GABPA: variants seen among roughly 807,000 people sequenced by gnomAD.
GABPA encodes GA-binding protein alpha chain.
In GABPA, 4 loss-of-function variants were observed where a neutral mutation model predicts 59.4. The ratio of observed to expected loss-of-function variants is 0.07; its 90% CI spans 0.03 to 0.15. The LOEUF (loss-of-function observed/expected upper bound fraction) is 0.15. Among genes scored for constraint, GABPA ranks in the 10% least tolerant of loss-of-function variants. The pLI, the probability that GABPA is intolerant of heterozygous loss-of-function variation, is 1.00. For synonymous variants in GABPA, 164 were observed against 183.1 expected (o/e 0.90, Z 0.84); for missense variants, 251 against 543.8 (o/e 0.46, Z 5.36).
chr21:25,745,944 T>C (rs886534584), intron 3 of GABPA, among the ~76,000 whole-genome samples: 2 of 152,228 alleles, frequency 1.3e-5, no homozygotes, highest in African/African-American at 4.8e-5. Flanking sequence ...GCAGCCTAAA[T>C]AGGATTGCCC....
chr21:25,737,667 C>T (rs746028761), intron 1 of GABPA, among the ~76,000 whole-genome samples: 11 of 152,180 alleles, frequency 7.2e-5, no homozygotes, highest in Non-Finnish European at 1.3e-4. Flanking sequence ...ACTTCTCAGC[C>T]TCTGGCTACA....
intron 7 of GABPA, 112 bp from the exon 8 acceptor site, chr21:25,764,098 T>C (rs1484183141): frequency 1.2e-6 from 1 of 857,898 alleles, no homozygotes; most frequent in Non-Finnish European, 1.7e-6. Flanking sequence ...TGAAGTACTT[T>C]CTTGGGGGTA....
At chr21:25,758,764 A>T (rs1379049115) in intron 6 of GABPA, among the ~76,000 whole-genome samples, 1 of 152,188 alleles carries the variant, frequency 6.6e-6, no homozygotes, top group African/African-American at 2.4e-5. Flanking sequence ...CATTGGTTAT[A>T]AGTTTTTCCA....
Position 25,770,994 on chromosome 21 carries a change from G to T in GABPA, c.*1762G>T, listed in dbSNP as rs1425377071. On this transcript the variant is annotated 3_prime_UTR_variant, in exon 10 of 10. Transcript: ENST00000400075. ...TACAATTTGGGCACTGTGGTTTTAA[G>T]AATATCTGAGTAAAATAACAATATG... 6.6e-6 allele frequency: 1 copy of T among 151,998 alleles called. No individual in the cohort carries two copies. Among genetic ancestry groups the T allele is most frequent in the Non-Finnish European group, 1.5e-5 (1 of 67,898 alleles). 9.4% of individuals were successfully genotyped at this position (151,998 alleles called of 1,614,324 possible). A position where few individuals can be genotyped will look rare whatever the true frequency, so the allele number is the denominator to read the frequency against.
intron 7 of GABPA, 87 bp from the exon 8 acceptor site, chr21:25,764,123 A>G (rs1461573636): frequency 2.7e-6 from 3 of 1,127,044 alleles, no homozygotes; most frequent in Non-Finnish European, 3.8e-6. Flanking sequence ...ATAGGGCATT[A>G]GTTAAAGTGA....
intron 9 of GABPA, among the ~76,000 whole-genome samples, chr21:25,766,727 G>A (rs1015669493): frequency 6.6e-6 from 1 of 151,926 alleles, no homozygotes; most frequent in Non-Finnish European, 1.5e-5. Flanking sequence ...CAATGGGAAT[G>A]CTTCTACCCT....
At chr21:25,737,284 A>G (rs1264770562) in intron 1 of GABPA, among the ~76,000 whole-genome samples, 1 of 152,234 alleles carries the variant, frequency 6.6e-6, no homozygotes, top group South Asian at 2.1e-4. Context: ...AAGTATTGAC[A>G]TAGAAGCCTG....
intron 8 of GABPA, 62 bp from the exon 9 acceptor site, chr21:25,764,533 G>A (rs1055680271): frequency 9.3e-6 from 14 of 1,511,688 alleles, no homozygotes; most frequent in African/African-American, 8.4e-5. Flanking sequence ...CCAGTTTGTT[G>A]TCTTTGCCTT....
chr21:25,745,187 G>A (rs1391475835), intron 2 of GABPA, 23 bp from the exon 3 acceptor site: 2 of 1,609,230 alleles, frequency 1.2e-6, no homozygotes, highest in Admixed American at 3.4e-5. Flanking sequence ...GTAACTGTTA[G>A]CACTTACATC....
chr21:25,757,904 G>A (rs2035674971), intron 5 of GABPA, 106 bp from the exon 6 acceptor site: 1 of 351,212 alleles, frequency 2.8e-6, no homozygotes, highest in African/African-American at 2.7e-5. Flanking sequence ...TCATATACTT[G>A]GGGAAAGAAA....
chr21:25,741,764 C>G (rs1180848192), intron 2 of GABPA, 89 bp downstream of exon 2: 4 of 735,906 alleles, frequency 5.4e-6, no homozygotes, highest in South Asian at 3.9e-5. Context: ...TTTGGACTGT[C>G]TTTTTTTAAC....
chr21:25,764,879 AATG>A (rs1256971990), intron 9 of GABPA, 92 bp downstream of exon 9: 5 of 843,296 alleles, frequency 5.9e-6, no homozygotes, highest in African/African-American at 1.9e-5. Flanking sequence ...ATTGTTATGT[AATG>A]ATATTAAAAA....
intron 1 of GABPA, among the ~76,000 whole-genome samples, chr21:25,738,215 G>A (rs1601105884): frequency 6.6e-6 from 1 of 152,054 alleles, no homozygotes; most frequent in Non-Finnish European, 1.5e-5. Flanking sequence ...GACATTTGCC[G>A]CCGCCGCCGC....
At chr21:25,748,667 A>G (rs2035429914) in intron 3 of GABPA, among the ~76,000 whole-genome samples, 1 of 152,206 alleles carries the variant, frequency 6.6e-6, no homozygotes, top group Non-Finnish European at 1.5e-5. Context: ...TAGATAAATT[A>G]TCATGACTAA....
chr21:25,764,597 A>T lies in GABPA; in HGVS notation c.946A>T (p.Asn316Tyr). 6.2e-7 allele frequency: 1 copy of T among 1,611,024 alleles called. No homozygotes were observed. Among genetic ancestry groups the T allele is most frequent in the Non-Finnish European group, 8.5e-7 (1 of 1,178,302 alleles). Residue 316 changes from asparagine (N) to tyrosine (Y), a missense_variant and splice_region_variant, in exon 9 of 10, where the codon AAC becomes TAC. Physicochemically the swap from Asn to Tyr is moderately radical, Grantham distance 143 (BLOSUM62 -2). Transcript: ENST00000400075. ...DRSSPGNRTG[N>Y]NGQIQLWQFL... ...CTTTGTTCCTCTTACCAATTTAGGA[A>T]ACAATGGCCAAATCCAACTATGGCA...
chr21:25,743,290 T>C (rs1444944958), intron 2 of GABPA, among the ~76,000 whole-genome samples: 1 of 152,210 alleles, frequency 6.6e-6, no homozygotes. Context: ...TGTCTTAGTC[T>C]TCTGGTCACA....
In GABPA at chr21:25,764,306, C is replaced by T. The variant is rs2035838677; in HGVS notation, c.899C>T (p.Pro300Leu). ...SAKAAKVQRA[P>L]RISGEDRSSP... ...AAAGCAGCCAAAGTACAAAGAGCGC[C>T]GAGGATTTCAGGAGAAGATAGAAGC... The change falls in exon 8 of 10, where the codon CCG becomes CTG. Residue 300 changes from proline to leucine, a missense_variant. Coordinates refer to ENST00000400075, the MANE Select transcript of GABPA (RefSeq NM_002040.4). The T allele has an allele frequency of 2.5e-6, 4 of 1,612,164 alleles. No homozygotes were observed. The highest frequency in any genetic ancestry group is 2.2e-5 in the South Asian group (2 of 90,958).
At chr21:25,751,228 G>C (rs575006099) in intron 4 of GABPA, among the ~76,000 whole-genome samples, 2 of 150,814 alleles carry the variant, frequency 1.3e-5, no homozygotes, top group East Asian at 3.9e-4. Context: ...TAATTTCTTG[G>C]CTTAATTATA....
In GABPA at chr21:25,741,644, G is replaced by A. The variant is rs1389722688; in HGVS notation, c.46G>A (p.Gly16Arg). 2 of 1,612,364 alleles carry A rather than the reference G, an allele frequency of 1.2e-6. No individual in the cohort carries two copies. Among genetic ancestry groups the A allele is most frequent in the Non-Finnish European group, 1.7e-6 (2 of 1,179,234 alleles). The change falls in exon 2 of 10, where the codon GGA (glycine) becomes AGA (arginine). Residue 16 changes from glycine to arginine, a missense_variant. Transcript: ENST00000400075. Reference protein sequence around the residue: ...AEELIEIEIDGTEKAECTEES... With the variant: ...AEELIEIEIDRTEKAECTEES... ...GGAGCTGATAGAAATTGAGATTGAT[G>A]GAACAGAGAAAGCAGAGTGCACAGA...
Sources: allele counts gnomAD v4.1 joint callset (sites outside exome capture counted in the v4.1 genomes callset), GRCh38; gene constraint gnomAD v4.1.1; transcripts MANE v1.5; gene names NCBI Gene and HGNC (gene_info 2026-07-23, HGNC 2026-07-21).